Variants in TRERF1 observed in about 807,000 individuals in gnomAD.
TRERF1 encodes transcriptional-regulating factor 1.
In TRERF1, 27 loss-of-function variants were observed where a neutral mutation model predicts 122.9. The ratio of observed to expected loss-of-function variants is 0.22; its 90% CI spans 0.16 to 0.30. TRERF1 has a LOEUF of 0.30. Ranked by LOEUF, TRERF1 falls within the 10% of genes least tolerant of loss-of-function variation. TRERF1 has a pLI of 1.00. For synonymous variants in TRERF1, 636 were observed against 641.7 expected (o/e 0.99, Z 0.13); for missense variants, 1,248 against 1,560.3 (o/e 0.80, Z 3.37).
intron 2 of TRERF1, among the ~76,000 whole-genome samples, chr6:42,420,358 A>T (rs545940798): frequency 1.1e-4 from 16 of 152,272 alleles, no homozygotes; most frequent in Admixed American, 7.2e-4. Flanking sequence ...CAGGAACCTG[A>T]TAAGAAGCTC....
intron 5 of TRERF1, among the ~76,000 whole-genome samples, chr6:42,266,298 C>A (rs1315234444): frequency 6.6e-6 from 1 of 151,348 alleles, no homozygotes; most frequent in Non-Finnish European, 1.5e-5. Context: ...AAGCAATCCT[C>A]CTGCCTCAGC....
chr6:42,239,178 T>C (rs1773029038), intron 15 of TRERF1, among the ~76,000 whole-genome samples: 1 of 152,226 alleles, frequency 6.6e-6, no homozygotes, highest in Admixed American at 6.5e-5. Context: ...ATCAATGGAC[T>C]GTGCTGTAGG....
chr6:42,320,411 A>G (rs1292731528), intron 3 of TRERF1, among the ~76,000 whole-genome samples: 2 of 152,174 alleles, frequency 1.3e-5, no homozygotes, highest in Admixed American at 6.5e-5. Context: ...GTTGAGATCA[A>G]TTCTGAGCAC....
chr6:42,329,883 G>A (rs510574), intron 3 of TRERF1, among the ~76,000 whole-genome samples: 16,479 of 151,918 alleles, frequency 0.11, 1,487 homozygotes, highest in East Asian at 0.44. Context: ...CAGCTACTCC[G>A]GAGGCTGAGG....
At chr6:42,389,273 C>G (rs1158927388) in intron 2 of TRERF1, among the ~76,000 whole-genome samples, 1 of 152,240 alleles carries the variant, frequency 6.6e-6, no homozygotes, top group African/African-American at 2.4e-5. Flanking sequence ...ATCAGCAAAG[C>G]TGGAGGATTC....
At chr6:42,267,527 G>A (rs1779426447) in intron 5 of TRERF1, among the ~76,000 whole-genome samples, 11 of 152,122 alleles carry the variant, frequency 7.2e-5, no homozygotes, top group Admixed American at 7.2e-4. Flanking sequence ...TACTTAGGAG[G>A]CTGAGGCAGG....
At chr6:42,382,068 C>T (rs147896745) in intron 2 of TRERF1, among the ~76,000 whole-genome samples, 27 of 151,876 alleles carry the variant, frequency 1.8e-4, no homozygotes, top group African/African-American at 6.3e-4. Flanking sequence ...CAACTGAGGC[C>T]TGCCCAAAAT....
At chr6:42,365,004 C>A (rs1772464997) in intron 2 of TRERF1, among the ~76,000 whole-genome samples, 1 of 152,116 alleles carries the variant, frequency 6.6e-6, no homozygotes, top group Admixed American at 6.5e-5. Flanking sequence ...GGAACGAGCC[C>A]AGATGCAGGT....
chr6:42,419,265 G>T (rs260292), intron 2 of TRERF1, among the ~76,000 whole-genome samples: 1 of 118,286 alleles, frequency 8.5e-6, no homozygotes, highest in African/African-American at 3.4e-5. Flanking sequence ...CCCACCCCCC[G>T]CCCCGGCTTC....
At chr6:42,418,239 A>ATTTTTTTT (rs1782175623) in intron 2 of TRERF1, among the ~76,000 whole-genome samples, 2 of 8,120 alleles carry the variant, frequency 2.5e-4, no homozygotes, top group Non-Finnish European at 4.6e-4. Flanking sequence ...TTTTTTTTTG[A>ATTTTTTTT]GATGGAGTTT....
In TRERF1 at chr6:42,268,043, A is replaced by C. The variant is rs1183280351; in HGVS notation, c.1437+111T>G. 1 of 1,261,972 alleles carries C rather than the reference A, an allele frequency of 7.9e-7. No homozygotes were observed. The highest frequency in any genetic ancestry group is 1.0e-6 in the Non-Finnish European group (1 of 968,398). The allele number at this position is 1,261,972 out of a possible 1,614,324, so 78.2% of individuals were successfully genotyped here. ...CATGTAGGTTAATGTTTGTGGAATT[A>C]GTAAAGAACAAAAGGGTTGAGGGGG... On this transcript the variant is annotated intron_variant, in intron 5 of 17. Coordinates refer to ENST00000372922, the Ensembl canonical transcript of TRERF1. The surrounding 1 kb of genome is among the most constrained non-coding windows in gnomAD (Gnocchi z 4.4).
intron 2 of TRERF1, among the ~76,000 whole-genome samples, chr6:42,434,668 C>CCACACAGA (rs1554218672): frequency 0.2 from 23,161 of 114,746 alleles, 1,953 homozygotes; most frequent in South Asian, 0.24. Context: ...ACACCCTCCA[C>CCACACAGA]CACACACACA....
At chr6:42,447,593 C>T (rs1327069231) in intron 2 of TRERF1, among the ~76,000 whole-genome samples, 4 of 152,190 alleles carry the variant, frequency 2.6e-5, no homozygotes, top group Non-Finnish European at 5.9e-5. Flanking sequence ...TTTATGAGGT[C>T]GGAAATAAAA....
At chr6:42,376,937 C>T (rs548936008) in intron 2 of TRERF1, among the ~76,000 whole-genome samples, 5 of 151,880 alleles carry the variant, frequency 3.3e-5, no homozygotes, top group Non-Finnish European at 4.4e-5. Flanking sequence ...GCGATCTGAG[C>T]TTACTGCAAC....
At chr6:42,436,814 A>ATAT (rs1554219616) in intron 2 of TRERF1, among the ~76,000 whole-genome samples, 726 of 66,650 alleles carry the variant, frequency 0.011, 4 homozygotes, top group Middle Eastern at 0.024. Flanking sequence ...AAAAAAAAAA[A>ATAT]ATATATATAT....
chr6:42,228,340 G>C lies in TRERF1; in HGVS notation c.*5C>G, dbSNP rs1562092311. ...TTTCACTGTCTCTAAGTGACACACAGGGCTTTATAGTTCTGCGTCACCCTG... is the reference window on the plus strand; with the variant it reads ...TTTCACTGTCTCTAAGTGACACACACGGCTTTATAGTTCTGCGTCACCCTG... On this transcript the variant is annotated 3_prime_UTR_variant, in exon 18 of 18. Transcript: ENST00000372922. The surrounding 1 kb of genome is among the most constrained non-coding windows in gnomAD (Gnocchi z 4.2). 2.5e-6 allele frequency: 4 copies of C among 1,604,772 alleles called. No homozygotes were observed. Among genetic ancestry groups the C allele is most frequent in the Non-Finnish European group, 3.4e-6 (4 of 1,173,970 alleles).
intron 4 of TRERF1, among the ~76,000 whole-genome samples, chr6:42,292,033 C>A (rs573842465): frequency 6.6e-6 from 1 of 152,122 alleles, no homozygotes; most frequent in Non-Finnish European, 1.5e-5. Context: ...CGCTTTTGAG[C>A]CTCAATTTTG....
At chr6:42,317,522 T>C (rs147544323) in intron 3 of TRERF1, among the ~76,000 whole-genome samples, 1 of 152,006 alleles carries the variant, frequency 6.6e-6, no homozygotes, top group East Asian at 1.9e-4. Context: ...CCCCGGCTAA[T>C]TAAAAAATTT....
In TRERF1 at chr6:42,232,566, T is replaced by G; in HGVS notation, c.3278+115A>C. 2 of 1,337,362 alleles carry G rather than the reference T, an allele frequency of 1.5e-6. No individual in the cohort carries two copies. 82.8% of individuals were successfully genotyped at this position (1,337,362 alleles called of 1,614,324 possible). On this transcript the variant is annotated intron_variant, in intron 17 of 17. Coordinates refer to ENST00000372922, the Ensembl canonical transcript of TRERF1. This position sits in a 1 kb window ranked among gnomAD's most constrained non-coding sequence, Gnocchi z 4.5. Reference sequence around the variant, plus strand: ...CCCAAAGATGACACGAAGAAGAGTTTTGAGGTCTAAGTTCTTTTTTCTGAT... The same window carrying G: ...CCCAAAGATGACACGAAGAAGAGTTGTGAGGTCTAAGTTCTTTTTTCTGAT...
Sources: gnomAD v4.1 joint callset for allele counts (sites outside exome capture counted in the v4.1 genomes callset) on GRCh38, gnomAD v4.1.1 for gene constraint, Gnocchi (gnomAD v3.1) non-coding constraint, MANE v1.5 for transcripts, NCBI Gene and HGNC (gene_info 2026-07-23, HGNC 2026-07-21) for gene names.